The following ULK4 variants were observed in gnomAD, a reference collection of about 807,000 sequenced individuals.
The protein encoded by ULK4 is unc-51 like kinase 4.
Under a neutral mutation model 160.6 loss-of-function variants are expected in ULK4, and 133 were observed. That is an observed-to-expected ratio of 0.83 (90% confidence interval 0.72 to 0.96). ULK4 has a LOEUF of 0.96. Ranked by LOEUF, ULK4 falls within the 40% of genes least tolerant of loss-of-function variation. The pLI, the probability that ULK4 is intolerant of heterozygous loss-of-function variation, is 0.00. For missense variants in ULK4, 1,580 were observed against 1,499.5 expected (o/e 1.05, Z -0.89); for synonymous variants, 534 against 539.8 (o/e 0.99, Z 0.15).
At chr3:41,831,531 A>ATATATATATATATATATATATATTTTT in intron 18 of ULK4, among the ~76,000 whole-genome samples, 2 of 138,064 alleles carry the variant, frequency 1.4e-5, no homozygotes, top group African/African-American at 5.7e-5. Flanking sequence ...ATATATATAT[A>ATATATATATATATATATATATATTTTT]TTTTTTTTTC....
In ULK4 at chr3:41,717,723, T is replaced by C. The variant is rs752334743; in HGVS notation, c.2455+5A>G. The C allele has an allele frequency of 6.2e-7, 1 of 1,609,516 alleles. No individual in the cohort carries two copies. Among genetic ancestry groups the C allele is most frequent in the South Asian group, 1.1e-5 (1 of 90,630 alleles). ...ATGGGGCCTGAGGATGAGACTCCAATTTACCCAGGATTCGTGGCAGCTCCT... is the reference window on the plus strand; with the variant it reads ...ATGGGGCCTGAGGATGAGACTCCAACTTACCCAGGATTCGTGGCAGCTCCT... On this transcript the variant is annotated splice_donor_5th_base_variant and intron_variant, in intron 23 of 36. Transcript: ENST00000301831.
intron 15 of ULK4, 37 bp from the exon 16 acceptor site, chr3:41,895,601 A>C: frequency 1.5e-6 from 2 of 1,358,752 alleles, no homozygotes; most frequent in Non-Finnish European, 2.0e-6. Context: ...AAAAGAAAAA[A>C]TTAAAATGTT....
At chr3:41,872,120 T>G (rs1379341999) in intron 17 of ULK4, among the ~76,000 whole-genome samples, 6 of 152,190 alleles carry the variant, frequency 3.9e-5, no homozygotes, top group South Asian at 4.1e-4. Flanking sequence ...TAGCCCTTAG[T>G]CCCGGTACAG....
chr3:41,819,374 G>C (rs748581567), intron 19 of ULK4, 49 bp downstream of exon 19: 16 of 1,558,752 alleles, frequency 1.0e-5, no homozygotes, highest in Middle Eastern at 3.6e-4. Flanking sequence ...AGTGCCTGAA[G>C]GGTTATTACA....
intron 35 of ULK4, among the ~76,000 whole-genome samples, chr3:41,365,822 A>G (rs1173516207): frequency 6.6e-6 from 1 of 152,142 alleles, no homozygotes; most frequent in Non-Finnish European, 1.5e-5. Context: ...AAAGACAACT[A>G]CATCATAAGG....
At chr3:41,485,623 T>A (rs966809314) in intron 32 of ULK4, among the ~76,000 whole-genome samples, 2 of 152,334 alleles carry the variant, frequency 1.3e-5, no homozygotes, top group African/African-American at 4.8e-5. Flanking sequence ...CAGCTGCCAC[T>A]CAGAGTGAGT....
chr3:41,613,648 G>A (rs571415807), intron 31 of ULK4, among the ~76,000 whole-genome samples: 2 of 152,300 alleles, frequency 1.3e-5, no homozygotes, highest in Non-Finnish European at 1.5e-5. Context: ...ATTGAAAAAT[G>A]TATTTCTACA....
intron 34 of ULK4, among the ~76,000 whole-genome samples, chr3:41,405,069 C>T (rs1271505564): frequency 1.3e-5 from 2 of 152,088 alleles, no homozygotes; most frequent in African/African-American, 4.8e-5. Context: ...TCATTGCTCC[C>T]GTCACCCAGG....
chr3:41,334,635 G>A (rs1166784099), intron 35 of ULK4, among the ~76,000 whole-genome samples: 2 of 152,078 alleles, frequency 1.3e-5, no homozygotes, highest in African/African-American at 4.8e-5. Context: ...CCACTTCCAG[G>A]GCTCTCCAAA....
intron 35 of ULK4, among the ~76,000 whole-genome samples, chr3:41,271,608 G>T (rs4973931): frequency 0.16 from 24,056 of 151,942 alleles, 2,277 homozygotes; most frequent in African/African-American, 0.26. Flanking sequence ...TGGCCAGGCT[G>T]GTCTCAAACT....
chr3:41,893,897 T>C (rs1319826627), intron 16 of ULK4, among the ~76,000 whole-genome samples: 3 of 152,204 alleles, frequency 2.0e-5, no homozygotes, highest in East Asian at 1.9e-4. Flanking sequence ...CTTTATCATA[T>C]GCTGTCAAGG....
chr3:41,311,811 G>A (rs921601439), intron 35 of ULK4, among the ~76,000 whole-genome samples: 9 of 150,668 alleles, frequency 6.0e-5, no homozygotes, highest in African/African-American at 1.7e-4. Flanking sequence ...CTTGTGATCC[G>A]CCACCTCAGC....
intron 32 of ULK4, among the ~76,000 whole-genome samples, chr3:41,470,303 C>T (rs140209195): frequency 4.5e-4 from 68 of 152,184 alleles, no homozygotes; most frequent in African/African-American, 1.6e-3. Flanking sequence ...TCCTGCAGGG[C>T]AAGAGAGAGT....
chr3:41,272,739 C>T (rs1270473838), intron 35 of ULK4, among the ~76,000 whole-genome samples: 5 of 152,130 alleles, frequency 3.3e-5, no homozygotes, highest in Non-Finnish European at 5.9e-5. Flanking sequence ...GCTCCAATCA[C>T]ACATGTTAGG....
intron 32 of ULK4, among the ~76,000 whole-genome samples, chr3:41,503,813 A>C (rs949749832): frequency 1.3e-5 from 2 of 152,182 alleles, no homozygotes; most frequent in Admixed American, 1.3e-4. Flanking sequence ...TTCTGAAAAA[A>C]TCTGGATCTT....
rs1015522606 is a variant in ULK4 at position 41,577,970 on chromosome 3, A to C, written c.3121-11840T>G. ...GGAGCTGCACATTTGGTTGCCCTTAACACCTTCTTTGGCAGGTCAGCTCTT... is the reference window on the plus strand; with the variant it reads ...GGAGCTGCACATTTGGTTGCCCTTACCACCTTCTTTGGCAGGTCAGCTCTT... On this transcript the variant is annotated intron_variant, in intron 31 of 36. Coordinates refer to ENST00000301831, the MANE Select transcript of ULK4 (RefSeq NM_017886.4). Among the ~76,000 whole-genome samples, 99 of 152,224 alleles carry C rather than the reference A, an allele frequency of 6.5e-4. 1 individual carries two copies. The highest frequency in any genetic ancestry group is 5.1e-3 in the Admixed American group (78 of 15,286).
intron 22 of ULK4, among the ~76,000 whole-genome samples, chr3:41,732,399 A>G (rs750032612): frequency 3.9e-5 from 6 of 152,190 alleles, no homozygotes; most frequent in Non-Finnish European, 7.4e-5. Context: ...AATGCAAACT[A>G]AAACCACAAT....
At chr3:41,662,571 C>T (rs185055803) in intron 30 of ULK4, among the ~76,000 whole-genome samples, 1 of 152,080 alleles carries the variant, frequency 6.6e-6, no homozygotes, top group African/African-American at 2.4e-5. Context: ...TAATGCAATA[C>T]TTTCTGTGAC....
At chr3:41,330,271 C>T (rs1176968222) in intron 35 of ULK4, among the ~76,000 whole-genome samples, 2 of 152,190 alleles carry the variant, frequency 1.3e-5, no homozygotes, top group Non-Finnish European at 2.9e-5. Flanking sequence ...AAATGCTTTC[C>T]CAAGGAAATT....
Sources: gnomAD v4.1 joint callset for allele counts (sites outside exome capture counted in the v4.1 genomes callset) on GRCh38, gnomAD v4.1.1 for gene constraint, MANE v1.5 for transcripts, NCBI Gene and HGNC (gene_info 2026-07-23, HGNC 2026-07-21) for gene names.